The following PRELID2 variants were observed in gnomAD, a reference collection of about 807,000 sequenced individuals.
The protein encoded by PRELID2 is PRELI domain-containing protein 2.
A neutral mutation model predicts 28.4 loss-of-function variants in PRELID2; 25 were observed. The ratio of observed to expected loss-of-function variants is 0.88; its 90% CI spans 0.64 to 1.23. The LOEUF is 1.23. PRELID2 is among the 50% of genes most tolerant of loss of function. PRELID2 has a pLI of 0.00. For synonymous variants in PRELID2, 76 were observed against 71.6 expected, an observed-to-expected ratio of 1.06 and a Z score of -0.31; for missense variants, 201 against 214.4, an observed-to-expected ratio of 0.94 and a Z score of 0.39.
chr5:145,321,866 A>G, the PRELID2 span, among the ~76,000 whole-genome samples: 2 of 152,238 alleles, frequency 1.3e-5, no homozygotes, highest in African/African-American at 2.4e-5. Flanking sequence ...TGCTGTGTCC[A>G]ATAAGGATAT....
At chr5:145,600,420 G>GGAAAAAAA (rs1491541560) in intron 1 of PRELID2, among the ~76,000 whole-genome samples, 5 of 124,164 alleles carry the variant, frequency 4.0e-5, no homozygotes, top group African/African-American at 1.8e-4. Flanking sequence ...CTCAGGGGGG[G>GGAAAAAAA]AAAAAAAAAA....
At chr5:145,707,714 G>C (rs1006653530) in intron 1 of PRELID2, among the ~76,000 whole-genome samples, 2 of 152,036 alleles carry the variant, frequency 1.3e-5, no homozygotes, top group Non-Finnish European at 2.9e-5. Flanking sequence ...TCAAAATAAA[G>C]ACAGACCAAA....
the PRELID2 span, among the ~76,000 whole-genome samples, chr5:145,268,818 T>C: frequency 1.3e-5 from 2 of 152,152 alleles, no homozygotes. Flanking sequence ...AAAATATTAC[T>C]AGGTCAATGA....
intron 1 of PRELID2, among the ~76,000 whole-genome samples, chr5:145,630,535 C>T (rs1581013794): frequency 6.6e-6 from 1 of 152,276 alleles, no homozygotes; most frequent in South Asian, 2.1e-4. Flanking sequence ...AGCAACATCC[C>T]ATTAACTGTA....
chr5:145,353,756 C>G, the PRELID2 span, among the ~76,000 whole-genome samples: 2 of 152,120 alleles, frequency 1.3e-5, no homozygotes, highest in Non-Finnish European at 2.9e-5. Flanking sequence ...CACTGGGTCC[C>G]TCCTGTGACA....
intron 1 of PRELID2, among the ~76,000 whole-genome samples, chr5:145,632,121 T>C (rs1753941667): frequency 6.6e-6 from 1 of 152,202 alleles, no homozygotes; most frequent in Non-Finnish European, 1.5e-5. Context: ...CTGGTTATAA[T>C]TGTAGCTCCC....
At chr5:145,280,123 G>A in the PRELID2 span, among the ~76,000 whole-genome samples, 2 of 151,972 alleles carry the variant, frequency 1.3e-5, no homozygotes, top group Admixed American at 6.6e-5. Flanking sequence ...ATCTTATTTT[G>A]GTGACAGATA....
the PRELID2 span, among the ~76,000 whole-genome samples, chr5:145,295,669 A>G: frequency 4.6e-5 from 7 of 152,304 alleles, no homozygotes; most frequent in South Asian, 6.2e-4. Flanking sequence ...ACCCACACAC[A>G]TCATTTTTCA....
intron 1 of PRELID2, among the ~76,000 whole-genome samples, chr5:145,492,420 C>T (rs1752277715): frequency 9.9e-6 from 1 of 101,100 alleles, no homozygotes; most frequent in African/African-American, 3.0e-5. Context: ...TGGATATTGA[C>T]CCCTTATCAG....
the PRELID2 span, among the ~76,000 whole-genome samples, chr5:145,258,993 C>G: frequency 6.6e-6 from 1 of 152,168 alleles, no homozygotes; most frequent in Non-Finnish European, 1.5e-5. Context: ...CACTCCAGCT[C>G]CAGTCCAGGC....
chr5:145,575,697 T>C (rs998195352), intron 1 of PRELID2, among the ~76,000 whole-genome samples: 12 of 152,152 alleles, frequency 7.9e-5, no homozygotes, highest in Non-Finnish European at 1.5e-4. Context: ...TTGAAAATAA[T>C]CTATAAAAGT....
chr5:145,462,711 G>C, the PRELID2 span, among the ~76,000 whole-genome samples: 1 of 152,212 alleles, frequency 6.6e-6, no homozygotes, highest in Non-Finnish European at 1.5e-5. Flanking sequence ...TAGTGCTCTG[G>C]TTTCCTCCCT....
intron 1 of PRELID2, among the ~76,000 whole-genome samples, chr5:145,606,185 T>C (rs1481493283): frequency 6.6e-6 from 1 of 152,158 alleles, no homozygotes; most frequent in Non-Finnish European, 1.5e-5. Context: ...TATGGGGTTG[T>C]CTAGGTATAG....
the PRELID2 span, chr5:145,338,216 A>G: frequency 6.6e-6 from 1 of 152,046 alleles, no homozygotes; most frequent in Non-Finnish European, 1.5e-5. Flanking sequence ...ATTAGACACC[A>G]CTGTTGTGGA....
At chr5:145,782,213 T>C (rs570318932) in intron 5 of PRELID2, among the ~76,000 whole-genome samples, 1 of 152,262 alleles carries the variant, frequency 6.6e-6, no homozygotes, top group East Asian at 1.9e-4. Flanking sequence ...CATGCATTTG[T>C]CTTGTCTCCT....
the PRELID2 span, among the ~76,000 whole-genome samples, chr5:145,363,110 C>A: frequency 3.0e-5 from 4 of 133,342 alleles, no homozygotes; most frequent in Non-Finnish European, 3.1e-5. Flanking sequence ...CATATCATGG[C>A]TATAAGAAAA....
chr5:145,413,786 A>T, the PRELID2 span, among the ~76,000 whole-genome samples: 20 of 152,034 alleles, frequency 1.3e-4, no homozygotes, highest in South Asian at 2.1e-4. Flanking sequence ...CATAAATGAG[A>T]TCATGCAGTG....
chr5:145,654,702 T>C (rs1754361506), intron 1 of PRELID2, among the ~76,000 whole-genome samples: 1 of 152,114 alleles, frequency 6.6e-6, no homozygotes, highest in African/African-American at 2.4e-5. Context: ...TCAACAACCC[T>C]TCATGCTAAA....
chr5:145,728,444 C>T (rs538789548), intron 1 of PRELID2: 8 of 587,602 alleles, frequency 1.4e-5, no homozygotes, highest in Admixed American at 1.0e-4. Context: ...AACAGGGACC[C>T]CGGATCTGGA....
Sources: gnomAD v4.1 joint callset for allele counts (sites outside exome capture counted in the v4.1 genomes callset) on GRCh38, gnomAD v4.1.1 for gene constraint, MANE v1.5 for transcripts, NCBI Gene and HGNC (gene_info 2026-07-23, HGNC 2026-07-21) for gene names.